L3MBTL4: variants seen among roughly 807,000 people sequenced by gnomAD.
L3MBTL4 encodes the protein lethal(3)malignant brain tumor-like protein 4.
L3MBTL4 carries 70 observed loss-of-function variants against 84.5 expected under a neutral mutation model. That is an observed-to-expected ratio of 0.83 (90% CI 0.68 to 1.01). The LOEUF is 1.01. L3MBTL4 is among the 50% of genes least tolerant of loss of function. The pLI is 0.00. For missense variants in L3MBTL4, 715 were observed against 754.8 expected, an observed-to-expected ratio of 0.95 and a Z score of 0.62; for synonymous variants, 274 against 259.8, an observed-to-expected ratio of 1.05 and a Z score of -0.52.
intron 1 of L3MBTL4, among the ~76,000 whole-genome samples, chr18:6,344,436 C>T (rs142451970): frequency 3.1e-4 from 47 of 152,312 alleles, no homozygotes; most frequent in African/African-American, 1.1e-3. Context: ...CTGGTCACTT[C>T]GTTGGTAAAT....
chr18:6,195,776 G>C (rs1294784390), intron 12 of L3MBTL4, among the ~76,000 whole-genome samples: 2 of 152,052 alleles, frequency 1.3e-5, no homozygotes, highest in African/African-American at 2.4e-5. Flanking sequence ...TTATCTGATT[G>C]GCCTTATTGG....
In L3MBTL4 at chr18:6,090,082, C is replaced by A. The variant is rs1354561367; in HGVS notation, c.1373+3273G>T. ...CAAATGAAAGAAACTCAAGTGTAAG[C>A]TATTCACCTCCATTTAATGCACCAC... is the stretch of plus-strand genomic sequence containing the variant. On this transcript the variant is annotated intron_variant, in intron 15 of 18. Transcript: ENST00000317931. Among the ~76,000 whole-genome samples, 4 of 152,084 alleles carry A rather than the reference C, an allele frequency of 2.6e-5. No individual in the cohort carries two copies. The East Asian group carries it at 5.8e-4, about 22-fold the overall frequency.
At chr18:6,090,155 T>C (rs1187673619) in intron 15 of L3MBTL4, among the ~76,000 whole-genome samples, 2 of 152,166 alleles carry the variant, frequency 1.3e-5, no homozygotes, top group East Asian at 1.9e-4. Context: ...AAGGAATATA[T>C]ATGGGTTTTC....
chr18:6,029,915 GA>G (rs2055702186), intron 16 of L3MBTL4: 1 of 985,282 alleles, frequency 1.0e-6, no homozygotes, highest in African/African-American at 1.7e-5. Flanking sequence ...GATGAGTACA[GA>G]AGACACTTTT....
chr18:6,408,463 C>T (rs2055826923), intron 1 of L3MBTL4, among the ~76,000 whole-genome samples: 1 of 152,142 alleles, frequency 6.6e-6, no homozygotes, highest in Admixed American at 6.5e-5. Context: ...ATATTTAAAC[C>T]AGTATTTTAA....
intron 1 of L3MBTL4, among the ~76,000 whole-genome samples, chr18:6,330,014 TGTATA>T (rs2051943414): frequency 6.6e-6 from 1 of 152,228 alleles, no homozygotes; most frequent in African/African-American, 2.4e-5. Flanking sequence ...CCTTTCCTCT[TGTATA>T]GTATTGTAGT....
chr18:6,072,881 AATAT>A (rs71163258), intron 16 of L3MBTL4, among the ~76,000 whole-genome samples: 254 of 20,340 alleles, frequency 0.012, 13 homozygotes, highest in Non-Finnish European at 0.019. Context: ...AAAAAAAAAA[AATAT>A]ATATATATAT....
chr18:6,283,072 A>T (rs995396277), intron 4 of L3MBTL4, among the ~76,000 whole-genome samples: 8 of 152,190 alleles, frequency 5.3e-5, no homozygotes, highest in Admixed American at 3.9e-4. Context: ...GAGTGACGTT[A>T]AATCCAGCAT....
rs1195018487 is a variant in L3MBTL4, at chr18:6,276,058, T to G, written c.128-12020A>C. On this transcript the variant is annotated intron_variant, in intron 4 of 18. Coordinates refer to ENST00000317931, the MANE Select transcript of L3MBTL4 (RefSeq NM_001330559.2). ...TCATCCCTCTGCTCACTGAGATAAA[T>G]GTGTATCTGATTGCTTCCTTTGGAA... Among the ~76,000 whole-genome samples, 4 of 152,318 alleles carry G rather than the reference T, an allele frequency of 2.6e-5. No individual in the cohort carries two copies. In the East Asian group the frequency reaches 7.7e-4, roughly 29 times the overall value.
At chr18:6,220,389 T>C (rs998734680) in intron 10 of L3MBTL4, among the ~76,000 whole-genome samples, 1 of 152,130 alleles carries the variant, frequency 6.6e-6, no homozygotes, top group Admixed American at 6.5e-5. Flanking sequence ...CTCTTCAAGT[T>C]CTTGTACTTG....
chr18:6,395,097 T>C (rs1409290743), intron 1 of L3MBTL4: 1 of 152,160 alleles, frequency 6.6e-6, no homozygotes, highest in East Asian at 1.9e-4. Context: ...CCAACACTTT[T>C]AGAGGCAGGA....
At chr18:6,255,447 T>A (rs766895755) in intron 5 of L3MBTL4, among the ~76,000 whole-genome samples, 54 of 152,340 alleles carry the variant, frequency 3.5e-4, no homozygotes, top group Non-Finnish European at 7.3e-4. Context: ...AGGAAAAGCA[T>A]CTGAACCACA....
At chr18:6,302,741 T>C (rs1953966533) in intron 3 of L3MBTL4, among the ~76,000 whole-genome samples, 1 of 152,210 alleles carries the variant, frequency 6.6e-6, no homozygotes, top group Non-Finnish European at 1.5e-5. Flanking sequence ...TCCCAGCACT[T>C]TGGGAGGCCA....
chr18:6,122,648 G>A (rs1046975832), intron 14 of L3MBTL4, among the ~76,000 whole-genome samples: 3 of 152,128 alleles, frequency 2.0e-5, no homozygotes, highest in Non-Finnish European at 4.4e-5. Context: ...TTTGTAAATT[G>A]CGCAGTCTTG....
chr18:6,053,576 A>G (rs939486127), intron 16 of L3MBTL4, among the ~76,000 whole-genome samples: 2 of 152,182 alleles, frequency 1.3e-5, no homozygotes, highest in African/African-American at 4.8e-5. Flanking sequence ...CCTGTTCACT[A>G]ATAGACTGAC....
chr18:6,409,155 T>C (rs181867962), intron 1 of L3MBTL4, among the ~76,000 whole-genome samples: 35 of 152,302 alleles, frequency 2.3e-4, no homozygotes, highest in Admixed American at 2.1e-3. Flanking sequence ...GTAACCAGAT[T>C]AGAAAATCAA....
intron 16 of L3MBTL4, among the ~76,000 whole-genome samples, chr18:6,079,648 T>C (rs2058001302): frequency 6.6e-6 from 1 of 152,188 alleles, no homozygotes; most frequent in Admixed American, 6.5e-5. Flanking sequence ...CAAGAACATA[T>C]ACATAATTAC....
At chr18:6,277,248 T>C (rs1349502915) in intron 4 of L3MBTL4, among the ~76,000 whole-genome samples, 1 of 152,074 alleles carries the variant, frequency 6.6e-6, no homozygotes, top group Non-Finnish European at 1.5e-5. Flanking sequence ...GTAACTAACC[T>C]GCACAATGTG....
intron 13 of L3MBTL4, among the ~76,000 whole-genome samples, chr18:6,166,172 C>A (rs1445792150): frequency 2.6e-5 from 4 of 152,196 alleles, no homozygotes; most frequent in African/African-American, 9.7e-5. Context: ...CACCCAGATT[C>A]ATAAAGCAAG....
Sources: gnomAD v4.1 joint callset for allele counts (sites outside exome capture counted in the v4.1 genomes callset) on GRCh38, gnomAD v4.1.1 for gene constraint, MANE v1.5 for transcripts, NCBI Gene and HGNC (gene_info 2026-07-23, HGNC 2026-07-21) for gene names.